USO1: variants seen among roughly 807,000 people sequenced by gnomAD.
The protein encoded by USO1 is USO1 vesicle transport factor.
USO1 carries 57 observed loss-of-function variants against 124.5 expected under a neutral mutation model. That is an observed-to-expected ratio of 0.46 (90% CI 0.37 to 0.57). The LOEUF (loss-of-function observed/expected upper bound fraction) is 0.57, where lower values mean the gene tolerates loss of function less well. Ranked by LOEUF, USO1 falls within the 20% of genes least tolerant of loss-of-function variation. USO1 has a pLI of 0.00. For missense variants in USO1, 900 were observed against 1,040.6 expected, an observed-to-expected ratio of 0.86 and a Z score of 1.86; for synonymous variants, 369 against 362.8, an observed-to-expected ratio of 1.02 and a Z score of -0.19.
At chr4:75,726,113 C>T (rs1720440901) in intron 1 of USO1, among the ~76,000 whole-genome samples, 2 of 152,116 alleles carry the variant, frequency 1.3e-5, no homozygotes, top group South Asian at 4.1e-4. Context: ...GAAACCCCGT[C>T]TCTACTAAAA....
At position 75,808,835 on chromosome 4, in the gene USO1, G is replaced by A. The variant is rs776760312; in HGVS notation, c.2377-118G>A. ...CCCAAAATTCAAGAATAGTTCTTTAGAGTTAGATTTTAAAAGTAGGAGGTT... is the reference window on the plus strand; with the variant it reads ...CCCAAAATTCAAGAATAGTTCTTTAAAGTTAGATTTTAAAAGTAGGAGGTT... On this transcript the variant is annotated intron_variant, in intron 20 of 23. Coordinates refer to ENST00000514213, the MANE Select transcript of USO1 (RefSeq NM_003715.4). 178 of 1,180,400 alleles carry A rather than the reference G, an allele frequency of 1.5e-4. 1 individual carries two copies. The highest frequency in any genetic ancestry group is 2.0e-4 in the Non-Finnish European group (174 of 857,146). The allele number at this position is 1,180,400 out of a possible 1,614,324, so 73.1% of individuals were successfully genotyped here.
At chr4:75,802,921 A>G (rs1722892951) in intron 17 of USO1, among the ~76,000 whole-genome samples, 1 of 150,106 alleles carries the variant, frequency 6.7e-6, no homozygotes, top group Non-Finnish European at 1.5e-5. Context: ...TGTCTCTACT[A>G]AAAATACAAA....
At chr4:75,769,924 G>A (rs538730318) in intron 4 of USO1, among the ~76,000 whole-genome samples, 1 of 152,170 alleles carries the variant, frequency 6.6e-6, no homozygotes, top group African/African-American at 2.4e-5. Context: ...GAAATCTGGA[G>A]TAGATTGGTT....
At chr4:75,792,842 C>G (rs1194810400) in intron 12 of USO1, among the ~76,000 whole-genome samples, 1 of 152,090 alleles carries the variant, frequency 6.6e-6, no homozygotes, top group Admixed American at 6.5e-5. Context: ...ACTACCCTGC[C>G]CTGCCTCTGA....
intron 17 of USO1, among the ~76,000 whole-genome samples, chr4:75,802,368 G>A (rs550944232): frequency 7.2e-5 from 11 of 152,128 alleles, no homozygotes; most frequent in Non-Finnish European, 1.5e-4. Context: ...TAGTTGTAAT[G>A]TGATATAGAG....
intron 9 of USO1, among the ~76,000 whole-genome samples, chr4:75,784,649 C>T (rs1416154707): frequency 6.6e-6 from 1 of 151,880 alleles, no homozygotes; most frequent in Non-Finnish European, 1.5e-5. Flanking sequence ...TTTATCAGCC[C>T]GGTGTGGTGG....
intron 22 of USO1, 54 bp from the exon 23 acceptor site, chr4:75,812,106 C>T: frequency 6.5e-7 from 1 of 1,547,674 alleles, no homozygotes; most frequent in East Asian, 2.4e-5. Flanking sequence ...GTTAAAAACT[C>T]TAGGAAAGTG....
intron 23 of USO1, among the ~76,000 whole-genome samples, chr4:75,812,913 C>T (rs1349769626): frequency 2.0e-5 from 3 of 152,038 alleles, no homozygotes; most frequent in Admixed American, 6.6e-5. Flanking sequence ...GGGTTCGAGA[C>T]CAGCCTGGCC....
intron 1 of USO1, among the ~76,000 whole-genome samples, chr4:75,739,980 C>T (rs1482564487): frequency 2.0e-5 from 3 of 152,116 alleles, no homozygotes; most frequent in African/African-American, 4.8e-5. Context: ...ATCACTGAGG[C>T]ATGTGTTATA....
At chr4:75,799,125 A>G (rs1350550889) in intron 13 of USO1, among the ~76,000 whole-genome samples, 3 of 152,006 alleles carry the variant, frequency 2.0e-5, no homozygotes, top group East Asian at 3.8e-4. Flanking sequence ...ATATTCTCTC[A>G]TGGAATTTGA....
At chr4:75,787,030 A>G in intron 9 of USO1, 32 bp from the exon 10 acceptor site, 1 of 1,552,128 alleles carries the variant, frequency 6.4e-7, no homozygotes, top group Non-Finnish European at 8.7e-7. Context: ...AAATCTTTAA[A>G]AGACAAATTT....
At position 75,790,238 on chromosome 4, in the gene USO1, G is replaced by T; in HGVS notation, c.1085G>T (p.Arg362Ile). ...ASVNAPSNPP[R>I]PAIVVLLMSM... ...GTAAATGCACCTTCAAACCCACCAA[G>T]GTAGAAAAAGGGAAATACTGAGATT... Residue 362 changes from arginine to isoleucine, a missense_variant and splice_region_variant, in exon 11 of 24, where the codon AGA becomes ATA. Transcript: ENST00000514213. 1 of 1,588,584 alleles carries T rather than the reference G, an allele frequency of 6.3e-7. No individual in the cohort carries two copies. The highest frequency in any genetic ancestry group is 2.3e-5 in the East Asian group (1 of 44,102).
chr4:75,775,390 T>C (rs1222165440), intron 8 of USO1, among the ~76,000 whole-genome samples: 2 of 152,050 alleles, frequency 1.3e-5, no homozygotes, highest in Non-Finnish European at 2.9e-5. Flanking sequence ...AATACAAAAA[T>C]TAGCTGGGCG....
rs553883278 is a variant in USO1 at position 75,726,469 on chromosome 4, A to G, written c.66+1584A>G. On this transcript the variant is annotated intron_variant, in intron 1 of 23. Transcript: ENST00000514213. ...ATTAACTGCAGCTAGTCGCAGTGAC[A>G]CAGGCCTATAATCCCAGCTAAGGGG... 9.2e-5 allele frequency among the ~76,000 whole-genome samples: 14 copies of G among 151,974 alleles called. No individual in the cohort carries two copies. The East Asian group carries it at 2.7e-3, about 29-fold the overall frequency.
chr4:75,769,392 G>A lies in USO1; in HGVS notation c.296-1047G>A, dbSNP rs78146899. On this transcript the variant is annotated intron_variant, in intron 4 of 23. Transcript: ENST00000514213. The stretch of plus-strand genomic sequence containing the variant: ...TGGAAAACATTTCATTTCTACTTTT[G>A]GTCTCTTCTTTTTCCTCTATAAACA... Among the ~76,000 whole-genome samples, 1,236 of 152,150 alleles carry A rather than the reference G, an allele frequency of 8.1e-3. 16 individuals carry two copies. Among genetic ancestry groups the A allele is most frequent in the African/African-American group, 0.028 (1,182 of 41,506 alleles).
chr4:75,812,494 C>T, intron 23 of USO1, 119 bp downstream of exon 23: 2 of 1,245,242 alleles, frequency 1.6e-6, no homozygotes, highest in East Asian at 2.5e-5. Flanking sequence ...TATGTGGGTT[C>T]ATGAATATGG....
At chr4:75,805,977 G>A (rs932429890) in intron 19 of USO1, among the ~76,000 whole-genome samples, 1 of 151,742 alleles carries the variant, frequency 6.6e-6, no homozygotes. Context: ...TAAATTGCTC[G>A]GTAAAATAAA....
chr4:75,725,204 G>GAACTGCCTCCCACGCCCC (rs1267511588), intron 1 of USO1, among the ~76,000 whole-genome samples: 6 of 152,156 alleles, frequency 3.9e-5, no homozygotes, highest in African/African-American at 9.7e-5. Context: ...GAGCTGGCCC[G>GAACTGCCTCCCACGCCCC]AACTGCCTCC....
chr4:75,748,028 C>T (rs886222976), intron 1 of USO1, among the ~76,000 whole-genome samples: 2 of 150,712 alleles, frequency 1.3e-5, no homozygotes, highest in Non-Finnish European at 3.0e-5. Context: ...CTGCCTCAGC[C>T]TCCTGAGCAG....
Sources: gnomAD v4.1 joint callset for allele counts (sites outside exome capture counted in the v4.1 genomes callset) on GRCh38, gnomAD v4.1.1 for gene constraint, MANE v1.5 for transcripts, NCBI Gene and HGNC (gene_info 2026-07-23, HGNC 2026-07-21) for gene names.